The following HRK variants were observed in gnomAD, a reference collection of about 807,000 sequenced individuals.
HRK encodes the protein activator of apoptosis harakiri.
HRK carries 6 observed loss-of-function variants against 5.9 expected under a neutral mutation model. The observed-to-expected ratio is 1.02, with a 90% CI of 0.56 to 2.01. The LOEUF (loss-of-function observed/expected upper bound fraction) is 2.01, where lower values mean the gene tolerates loss of function less well. HRK is among the 30% of genes most tolerant of loss of function. The probability of loss-of-function intolerance (pLI) is 0.00; values close to 1 mark genes in which losing one functional copy is unlikely to be tolerated. For missense variants in HRK, 133 were observed against 128.3 expected, an observed-to-expected ratio of 1.04 and a Z score of -0.18; for synonymous variants, 85 against 65.1, an observed-to-expected ratio of 1.31 and a Z score of -1.47.
At chr12:116,865,861 C>T (rs963627056) in intron 1 of HRK, among the ~76,000 whole-genome samples, 11 of 151,944 alleles carry the variant, frequency 7.2e-5, no homozygotes, top group South Asian at 2.1e-4. Flanking sequence ...AAGTGGCAAA[C>T]GAATAAAGAT....
At chr12:116,872,260 C>T (rs1414906278) in intron 1 of HRK, among the ~76,000 whole-genome samples, 1 of 151,966 alleles carries the variant, frequency 6.6e-6, no homozygotes, top group Non-Finnish European at 1.5e-5. Context: ...ATCCCAGCTA[C>T]TCGGGAGGCT....
intron 1 of HRK, among the ~76,000 whole-genome samples, chr12:116,868,198 C>T (rs1878615687): frequency 6.6e-6 from 1 of 151,750 alleles, no homozygotes; most frequent in Non-Finnish European, 1.5e-5. Context: ...TCAAGTGATC[C>T]TCCTGCCCCA....
At chr12:116,873,976 G>A (rs1054612599) in intron 1 of HRK, among the ~76,000 whole-genome samples, 2 of 152,244 alleles carry the variant, frequency 1.3e-5, no homozygotes, top group Non-Finnish European at 2.9e-5. Flanking sequence ...TGAATGGTGA[G>A]AGTTCTAAGG....
rs74931914 is a variant in HRK, at chr12:116,879,399, T to G, written c.*56+1577A>C. 0.036 allele frequency: 5,440 copies of G among 152,404 alleles called. 261 individuals are homozygous for G. Among genetic ancestry groups the G allele is most frequent in the East Asian group, 0.14 (701 of 5,162 alleles). 9.4% of individuals were successfully genotyped at this position (152,404 alleles called of 1,614,324 possible). On this transcript the variant is annotated intron_variant, in intron 1 of 1. Transcript: ENST00000257572. The surrounding 1 kb of genome is among the most constrained non-coding windows in gnomAD (Gnocchi z 5.6). ...TTCTCTTCCTCTTCGCCCACTTTTT[T>G]TCTGCCTCTTCCCAAATTCCACGCT...
chr12:116,881,275 G>T lies in HRK; in HGVS notation c.33C>A (p.Gly11=). MCPCPLHRGR[G]PPAVCACSAG... ...CGCTGCAGGCGCACACGGCCGGGGG[G>T]CCGCGGCCGCGGTGCAGGGGGCACG... The change falls in exon 1 of 2, where the codon GGC becomes GGA. Residue 11 remains glycine (G), a synonymous_variant. Coordinates refer to ENST00000257572, the MANE Select transcript of HRK (RefSeq NM_003806.4). 9.3e-7 allele frequency: 1 copy of T among 1,076,404 alleles called. No homozygotes were observed. Among genetic ancestry groups the T allele is most frequent in the Non-Finnish European group, 1.1e-6 (1 of 890,588 alleles). The allele number at this position is 1,076,404 out of a possible 1,614,324, so 66.7% of individuals were successfully genotyped here.
Position 116,881,013 on chromosome 12 carries a change from A to T in HRK, c.*19T>A. On this transcript the variant is annotated 3_prime_UTR_variant, in exon 1 of 2. Coordinates refer to ENST00000257572, the MANE Select transcript of HRK (RefSeq NM_003806.4). ...CCGGCTGGGTCTCGGCTCCGGCCCC[A>T]CCAAGAAGCCCCGCGTTCCTACAAG... The T allele has an allele frequency of 7.6e-7, 1 of 1,316,774 alleles. No individual in the cohort carries two copies. Among genetic ancestry groups the T allele is most frequent in the South Asian group, 2.1e-5 (1 of 47,930 alleles). The allele number at this position is 1,316,774 out of a possible 1,614,324, so 81.6% of individuals were successfully genotyped here. A position where few individuals can be genotyped will look rare whatever the true frequency, so the allele number is the denominator to read the frequency against.
intron 1 of HRK, among the ~76,000 whole-genome samples, chr12:116,875,036 C>G (rs1295189539): frequency 6.6e-6 from 1 of 151,922 alleles, no homozygotes; most frequent in Non-Finnish European, 1.5e-5. Context: ...CAGATCAAAA[C>G]TATTGGAAAA....
intron 1 of HRK, among the ~76,000 whole-genome samples, chr12:116,877,682 C>T (rs1480431005): frequency 6.6e-6 from 1 of 152,136 alleles, no homozygotes; most frequent in Non-Finnish European, 1.5e-5. Context: ...TAGAGCTTTC[C>T]GTGTATGAAT....
At chr12:116,871,603 C>A (rs1302658640) in intron 1 of HRK, among the ~76,000 whole-genome samples, 12 of 137,340 alleles carry the variant, frequency 8.7e-5, no homozygotes, top group South Asian at 6.9e-4. Context: ...CGTGCCCAGC[C>A]AAAAAAAAAA....
At position 116,860,692 on chromosome 12, in the gene HRK, C is replaced by G. The variant is rs1593002741; in HGVS notation, c.*831G>C. On this transcript the variant is annotated 3_prime_UTR_variant, in exon 2 of 2. Transcript: ENST00000257572. ...GAAGAGAAGAGACTCTCAAGTGGCA[C>G]TTTTGCAACTTGTCCCTTAAAAAAA... 1 of 142,050 alleles carries G rather than the reference C, an allele frequency of 7.0e-6. No individual in the cohort carries two copies. Among genetic ancestry groups the G allele is most frequent in the East Asian group, 2.0e-4 (1 of 4,952 alleles). 8.8% of individuals were successfully genotyped at this position (142,050 alleles called of 1,614,324 possible).
chr12:116,867,443 C>T (rs1419871201), intron 1 of HRK, among the ~76,000 whole-genome samples: 2 of 152,100 alleles, frequency 1.3e-5, no homozygotes, highest in East Asian at 1.9e-4. Context: ...TGCGCCCGGC[C>T]ACAAAAAATT....
rs1879013378 is a variant in HRK at position 116,878,375 on chromosome 12, G to A, written c.*56+2601C>T. ...CCCCTTTTTCTTTTAGGGTAGGGAA[G>A]GTGGAGAGCACCCCATATCCAGCAT... On this transcript the variant is annotated intron_variant, in intron 1 of 1. Transcript: ENST00000257572. The surrounding 1 kb of genome is among the most constrained non-coding windows in gnomAD (Gnocchi z 4.4). 6.6e-6 allele frequency: 1 copy of A among 152,270 alleles called. No individual in the cohort carries two copies. The highest frequency in any genetic ancestry group is 1.5e-5 in the Non-Finnish European group (1 of 68,086). The allele number at this position is 152,270 out of a possible 1,614,324, so 9.4% of individuals were successfully genotyped here. A position where few individuals can be genotyped will look rare whatever the true frequency, so the allele number is the denominator to read the frequency against.
At chr12:116,867,142 C>CTT (rs1273115320) in intron 1 of HRK, among the ~76,000 whole-genome samples, 8 of 137,070 alleles carry the variant, frequency 5.8e-5, no homozygotes, top group Admixed American at 7.3e-5. Flanking sequence ...CAAAAAAAAA[C>CTT]TTTTTTTTTT....
At position 116,859,321 on chromosome 12, in the gene HRK, G is replaced by A. The variant is rs144375365; in HGVS notation, c.*2202C>T. On this transcript the variant is annotated 3_prime_UTR_variant, in exon 2 of 2. Transcript: ENST00000257572. ...CAGGTGGTCAGCATGCCCCCACTAC[G>A]ATCTTGAAGGTACAGCCTTAAAGAA... 8.5e-5 allele frequency: 13 copies of A among 152,274 alleles called. No homozygotes were observed. The highest frequency in any genetic ancestry group is 1.0e-4 in the Non-Finnish European group (7 of 68,038). The allele number at this position is 152,274 out of a possible 1,614,324, so 9.4% of individuals were successfully genotyped here.
At chr12:116,868,253 G>A (rs4377007) in intron 1 of HRK, among the ~76,000 whole-genome samples, 1 of 151,466 alleles carries the variant, frequency 6.6e-6, no homozygotes, top group Non-Finnish European at 1.5e-5. Context: ...ACCACGCCTG[G>A]CTAAAATGCC....
At chr12:116,872,212 T>C (rs1245146198) in intron 1 of HRK, among the ~76,000 whole-genome samples, 1 of 151,940 alleles carries the variant, frequency 6.6e-6, no homozygotes, top group Non-Finnish European at 1.5e-5. Flanking sequence ...CTACTAAAAA[T>C]ACAAAAATTA....
intron 1 of HRK, among the ~76,000 whole-genome samples, chr12:116,863,357 G>T (rs536317785): frequency 3.3e-5 from 5 of 152,160 alleles, no homozygotes; most frequent in African/African-American, 1.2e-4. Flanking sequence ...GGCCACAGCC[G>T]CTGTCTGGAC....
Position 116,881,343 on chromosome 12 carries a change from G to A in HRK, c.-36C>T. On this transcript the variant is annotated 5_prime_UTR_variant, in exon 1 of 2. Coordinates refer to ENST00000257572, the MANE Select transcript of HRK (RefSeq NM_003806.4). Reference sequence around the variant, plus strand: ...CTCGCTCCCGCCCCGCGCTCGGGCCGCCCCTCGCCTCCTCTCCCTCCGGCC... The same window carrying A: ...CTCGCTCCCGCCCCGCGCTCGGGCCACCCCTCGCCTCCTCTCCCTCCGGCC... 4 of 1,051,626 alleles carry A rather than the reference G, an allele frequency of 3.8e-6. No individual in the cohort carries two copies. Among genetic ancestry groups the A allele is most frequent in the Non-Finnish European group, 4.6e-6 (4 of 874,610 alleles). 65.1% of individuals were successfully genotyped at this position (1,051,626 alleles called of 1,614,324 possible). A position where few individuals can be genotyped will look rare whatever the true frequency, so the allele number is the denominator to read the frequency against.
chr12:116,865,837 G>C (rs1355309431), intron 1 of HRK, among the ~76,000 whole-genome samples: 1 of 152,128 alleles, frequency 6.6e-6, no homozygotes, highest in African/African-American at 2.4e-5. Flanking sequence ...ATTATCTACT[G>C]AGGGAGAGTA....
Sources: allele counts gnomAD v4.1 joint callset (sites outside exome capture counted in the v4.1 genomes callset), GRCh38; gene constraint gnomAD v4.1.1; non-coding constraint Gnocchi (gnomAD v3.1); transcripts MANE v1.5; gene names NCBI Gene and HGNC (gene_info 2026-07-23, HGNC 2026-07-21).